Variants in MILR1 observed in about 807,000 individuals in gnomAD.
MILR1 encodes the protein mast cell immunoglobulin like receptor 1, also known as allergin-1.
MILR1 carries 31 observed loss-of-function variants against 18.5 expected under a neutral mutation model. The ratio of observed to expected loss-of-function variants is 1.68; its 90% confidence interval spans 1.26 to 2.26. The LOEUF is 2.26. MILR1 is among the 30% of genes most tolerant of loss of function. The pLI, the probability that MILR1 is intolerant of heterozygous loss-of-function variation, is 0.00. For missense variants in MILR1, 257 were observed against 157.4 expected (o/e 1.63, Z -3.38); for synonymous variants, 85 against 56.2 (o/e 1.51, Z -2.30).
chr17:64,480,168 T>C, the MILR1 span: 2 of 277,760 alleles, frequency 7.2e-6, no homozygotes, highest in African/African-American at 4.6e-5. Context: ...AAAGGGAAAC[T>C]GAGGAATAAT....
Position 64,466,675 on chromosome 17 carries a change from T to C in MILR1, c.979+13T>C, listed in dbSNP as rs1555663362. 6 of 1,596,554 alleles carry C rather than the reference T, an allele frequency of 3.8e-6. No homozygotes were observed. The South Asian group carries it at 5.7e-5, about 15-fold the overall frequency. ...CCAAGAGAGCAAGGTGAGCCACAGG[T>C]TGGGATAAGAGGTACTGGTGAAATG... On this transcript the variant is annotated intron_variant, in intron 8 of 9. Coordinates refer to ENST00000619286, the MANE Select transcript of MILR1 (RefSeq NM_001085423.2).
the MILR1 span, chr17:64,482,862 G>A: frequency 5.4e-5 from 54 of 1,009,120 alleles, no homozygotes; most frequent in African/African-American, 6.7e-4. Flanking sequence ...GGTCCAAAGC[G>A]TTTTTGGATA....
At chr17:64,450,068 A>G (rs2037133086) in intron 2 of MILR1, among the ~76,000 whole-genome samples, 1 of 151,740 alleles carries the variant, frequency 6.6e-6, no homozygotes, top group Non-Finnish European at 1.5e-5. Context: ...CCTCCCGAGT[A>G]GCTGGGACTA....
At chr17:64,472,464 T>A (rs2037702049), downstream of MILR1, among the ~76,000 whole-genome samples, 1 of 8,012 alleles carries the variant, frequency 1.2e-4, no homozygotes, top group Non-Finnish European at 2.1e-4. Flanking sequence ...AGACTCCATC[T>A]CAAAAAAAAA....
intron 5 of MILR1, among the ~76,000 whole-genome samples, chr17:64,464,675 T>C (rs1323155702): frequency 1.3e-5 from 2 of 152,206 alleles, no homozygotes; most frequent in African/African-American, 4.8e-5. Context: ...GCACAGTGGC[T>C]CATGCCTGTA....
intron 5 of MILR1, among the ~76,000 whole-genome samples, chr17:64,463,587 C>A (rs2037479874): frequency 6.6e-6 from 1 of 152,144 alleles, no homozygotes; most frequent in Non-Finnish European, 1.5e-5. Context: ...AGAGTCACAA[C>A]TCAGAGAAGT....
the MILR1 span, among the ~76,000 whole-genome samples, chr17:64,481,947 A>G: frequency 7.2e-6 from 1 of 138,628 alleles, no homozygotes; most frequent in Non-Finnish European, 1.5e-5. Flanking sequence ...ATGTGTACAA[A>G]TATTTTAATT....
the MILR1 span, among the ~76,000 whole-genome samples, chr17:64,479,139 C>CTA: frequency 2.9e-3 from 442 of 150,352 alleles, 7 homozygotes; most frequent in Non-Finnish European, 3.9e-3. Context: ...ATTAGATGCT[C>CTA]TAATTATAGA....
chr17:64,497,136 AG>A, the MILR1 span: 1 of 718,322 alleles, frequency 1.4e-6, no homozygotes, highest in South Asian at 1.5e-5. Flanking sequence ...TTCCGGCCGC[AG>A]CCGTCCCCCG....
the MILR1 span, among the ~76,000 whole-genome samples, chr17:64,476,039 G>A: frequency 1.3e-5 from 2 of 151,446 alleles, no homozygotes; most frequent in South Asian, 4.2e-4. Flanking sequence ...ACTCCTGACC[G>A]CAGGTAATCC....
intron 2 of MILR1, 23 bp from the exon 3 acceptor site, chr17:64,452,574 T>C: frequency 2.4e-6 from 1 of 413,460 alleles, no homozygotes; most frequent in Non-Finnish European, 4.4e-6. Flanking sequence ...AAGGACTTTT[T>C]CTTGTGTCAT....
At chr17:64,451,134 AG>A (rs1261847788) in intron 2 of MILR1, among the ~76,000 whole-genome samples, 1 of 132,628 alleles carries the variant, frequency 7.5e-6, no homozygotes, top group Non-Finnish European at 1.8e-5. Flanking sequence ...AATTTTATTT[AG>A]GGTTTTTTTT....
chr17:64,449,608 T>C (rs891446785), intron 2 of MILR1, among the ~76,000 whole-genome samples: 6 of 152,184 alleles, frequency 3.9e-5, no homozygotes, highest in Non-Finnish European at 8.8e-5. Context: ...TTCCTTGTTA[T>C]TGTTGTTTTA....
chr17:64,472,482 A>AAAAAAAAAAC (rs2037704027), downstream of MILR1, among the ~76,000 whole-genome samples: 1 of 149,372 alleles, frequency 6.7e-6, no homozygotes, highest in African/African-American at 2.5e-5. Context: ...AAAAAAAAAA[A>AAAAAAAAAAC]AAAAAAAAAA....
intron 3 of MILR1, among the ~76,000 whole-genome samples, chr17:64,455,611 G>A (rs1163975467): frequency 3.3e-4 from 41 of 125,382 alleles, no homozygotes; most frequent in African/African-American, 1.2e-3. Context: ...CTGCCACCAC[G>A]CCTGGCTAAT....
At chr17:64,463,378 TGGTACACGA>T (rs2037474503) in intron 5 of MILR1, among the ~76,000 whole-genome samples, 1 of 152,170 alleles carries the variant, frequency 6.6e-6, no homozygotes. Context: ...TTTTTTCATT[TGGTACACGA>T]GTGCAGAAGG....
intron 9 of MILR1, 138 bp downstream of exon 9, chr17:64,467,783 A>C (rs2037609286): frequency 1.9e-6 from 1 of 525,156 alleles, no homozygotes; most frequent in Non-Finnish European, 3.4e-6. Context: ...AAAAATACAA[A>C]AATTAGCCAG....
At chr17:64,485,646 A>T in the MILR1 span, 1 of 1,120,992 alleles carries the variant, frequency 8.9e-7, no homozygotes, top group Non-Finnish European at 1.4e-6. Context: ...AGTTTATGTT[A>T]GAAACCGAGC....
At chr17:64,450,458 C>T (rs917462120) in intron 2 of MILR1, among the ~76,000 whole-genome samples, 7 of 152,084 alleles carry the variant, frequency 4.6e-5, no homozygotes, top group Admixed American at 1.3e-4. Context: ...TATCAACAGT[C>T]ACTTTATATT....
Sources: gnomAD v4.1 joint callset for allele counts (sites outside exome capture counted in the v4.1 genomes callset) on GRCh38, gnomAD v4.1.1 for gene constraint, MANE v1.5 for transcripts, NCBI Gene and HGNC (gene_info 2026-07-23, HGNC 2026-07-21) for gene names.